Variants in DEFB129 observed in about 807,000 individuals in gnomAD.
The protein encoded by DEFB129 is beta-defensin 129.
In DEFB129, 2 loss-of-function variants were observed where a neutral mutation model predicts 2.5. The observed-to-expected ratio is 0.80, with a 90% CI of 0.33 to 2.53. The LOEUF (loss-of-function observed/expected upper bound fraction) is 2.53, where lower values mean the gene tolerates loss of function less well. DEFB129 is among the 30% of genes most tolerant of loss of function. The pLI is 0.11. For synonymous variants in DEFB129, 76 were observed against 74.4 expected, an observed-to-expected ratio of 1.02 and a Z score of -0.11; for missense variants, 177 against 216.9, an observed-to-expected ratio of 0.82 and a Z score of 1.16.
Position 229,639 on chromosome 20 carries a change from C to T in DEFB129, c.420C>T (p.Tyr140=). 1.9e-6 allele frequency: 3 copies of T among 1,614,180 alleles called. No homozygotes were observed. Among genetic ancestry groups the T allele is most frequent in the Non-Finnish European group, 2.5e-6 (3 of 1,180,024 alleles). ...ISTMTPGQIT[Y]TATSTKSNTK... is the part of the protein sequence containing the mutation. ...CTATGACCCCAGGACAGATCACATA[C>T]ACTGCTACTTCTACCAAGAGTAACA... The change falls in exon 2 of 2, where the codon TAC becomes TAT. Residue 140 remains tyrosine (Y), a synonymous_variant. Coordinates refer to ENST00000246105, the MANE Select transcript of DEFB129 (RefSeq NM_080831.4).
chr20:228,474 C>A (rs777246294), intron 1 of DEFB129, among the ~76,000 whole-genome samples: 3 of 152,058 alleles, frequency 2.0e-5, no homozygotes, highest in Non-Finnish European at 4.4e-5. Flanking sequence ...GAAATGTATG[C>A]AAATATGCTT....
Position 229,369 on chromosome 20 carries a change from G to A in DEFB129, c.150G>A (p.Met50Ile), listed in dbSNP as rs962238617. 1.2e-6 allele frequency: 2 copies of A among 1,613,962 alleles called. No individual in the cohort carries two copies. The highest frequency in any genetic ancestry group is 1.3e-5 in the African/African-American group (1 of 74,902). The change falls in exon 2 of 2, where the codon ATG becomes ATA. Residue 50 changes from methionine to isoleucine, a missense_variant. Coordinates refer to ENST00000246105, the MANE Select transcript of DEFB129 (RefSeq NM_080831.4). ...VDEKEIQKCK[M>I]KKCCVGPKVV... Reference sequence around the variant, plus strand: ...AAAAAGAGATACAGAAATGCAAGATGAAAAAATGTTGTGTTGGACCAAAAG... The same window carrying A: ...AAAAAGAGATACAGAAATGCAAGATAAAAAAATGTTGTGTTGGACCAAAAG...
At chr20:229,197 T>A in intron 1 of DEFB129, 81 bp from the exon 2 acceptor site, 1 of 1,495,614 alleles carries the variant, frequency 6.7e-7, no homozygotes, top group Non-Finnish European at 8.9e-7. Flanking sequence ...TCTCTCTTAG[T>A]CTATCCATCT....
Position 229,741 on chromosome 20 carries a change from A to T in DEFB129, c.522A>T (p.Ser174=). The stretch of plus-strand genomic sequence containing the variant: ...CACCAAACATACTGCCAACACCATC[A>T]CTGGAGCTAGAGGAAGCAGAAGAGC... ...PPPPNILPTP[S]LELEEAEEQ is the part of the protein sequence containing the mutation. Residue 174 remains serine (S), a synonymous_variant, in exon 2 of 2, where the codon TCA becomes TCT. Transcript: ENST00000246105. 2 of 1,612,206 alleles carry T rather than the reference A, an allele frequency of 1.2e-6. No individual in the cohort carries two copies. The highest frequency in any genetic ancestry group is 1.7e-6 in the Non-Finnish European group (2 of 1,179,966).
chr20:229,753 G>C lies in DEFB129; in HGVS notation c.534G>C (p.Glu178Asp), dbSNP rs768304929. 3.1e-6 allele frequency: 5 copies of C among 1,610,282 alleles called. No individual in the cohort carries two copies. In the African/African-American group the frequency reaches 5.3e-5, roughly 17 times the overall value. ...TGCCAACACCATCACTGGAGCTAGAGGAAGCAGAAGAGCAGTAATGTGGAT... is the reference window on the plus strand; with the variant it reads ...TGCCAACACCATCACTGGAGCTAGACGAAGCAGAAGAGCAGTAATGTGGAT... ...NILPTPSLEL[E>D]EAEEQ The change falls in exon 2 of 2, where the codon GAG becomes GAC. Residue 178 changes from glutamate to aspartate, a missense_variant. Physicochemically the swap from Glu to Asp is conservative, Grantham distance 45. Coordinates refer to ENST00000246105, the MANE Select transcript of DEFB129 (RefSeq NM_080831.4).
intron 1 of DEFB129, among the ~76,000 whole-genome samples, chr20:228,845 A>G (rs2011308388): frequency 1.3e-5 from 2 of 152,180 alleles, no homozygotes; most frequent in Admixed American, 1.3e-4. Context: ...TGGTGAAAAG[A>G]TAAGACTCCT....
In DEFB129 at chr20:229,265, T is replaced by TCTA; in HGVS notation, c.59-13_59-12insCTA. The TCTA allele has an allele frequency of 1.3e-6, 2 of 1,553,120 alleles. No homozygotes were observed. The highest frequency in any genetic ancestry group is 2.5e-5 in the South Asian group (2 of 79,190). On this transcript the variant is annotated splice_polypyrimidine_tract_variant and intron_variant, in intron 1 of 1. Transcript: ENST00000246105. ...TTAACCTTGGCTCAATGGCTTTCTCTTTTTTTATACAGAATTTATTGGCTT... is the reference window on the plus strand; with the variant it reads ...TTAACCTTGGCTCAATGGCTTTCTCTCTATTTTTTATACAGAATTTATTGGCTT...
Position 229,821 on chromosome 20 carries a change from A to G in DEFB129, c.*50A>G, listed in dbSNP as rs2011322206. On this transcript the variant is annotated 3_prime_UTR_variant, in exon 2 of 2. Transcript: ENST00000246105. ...AAGTTCCTCTCTATTTTTGCTATCT[A>G]TAAAATGACATAGAACTGTTTCCTC... The G allele has an allele frequency of 6.4e-7, 1 of 1,557,446 alleles. No homozygotes were observed. Among genetic ancestry groups the G allele is most frequent in the Non-Finnish European group, 8.6e-7 (1 of 1,159,838 alleles).
At chr20:227,494 A>G (rs2011294206) in intron 1 of DEFB129, 148 bp downstream of exon 1, 1 of 897,306 alleles carries the variant, frequency 1.1e-6, no homozygotes, top group African/African-American at 1.7e-5. Flanking sequence ...TCAGTCATGC[A>G]CTGATACATT....
chr20:227,383 G>C (rs1254197428), intron 1 of DEFB129, 37 bp downstream of exon 1: 15 of 1,610,728 alleles, frequency 9.3e-6, no homozygotes, highest in South Asian at 2.2e-5. Context: ...GGGTAGATGA[G>C]AGGAACCAAG....
Position 229,447 on chromosome 20 carries a change from T to C in DEFB129, c.228T>C (p.Asn76=). ...YLQYGTPNVL[N]EDVQEMLKPA... is the part of the protein sequence containing the mutation. ...AATATGGAACACCAAATGTACTTAA[T>C]GAAGACGTCCAAGAAATGCTAAAAC... The change falls in exon 2 of 2, where the codon AAT becomes AAC. Residue 76 remains asparagine (N), a synonymous_variant. Transcript: ENST00000246105. The C allele has an allele frequency of 6.2e-7, 1 of 1,614,168 alleles. No individual in the cohort carries two copies. Among genetic ancestry groups the C allele is most frequent in the Non-Finnish European group, 8.5e-7 (1 of 1,180,026 alleles).
chr20:227,715 T>G (rs1434013872), intron 1 of DEFB129, among the ~76,000 whole-genome samples: 1 of 150,038 alleles, frequency 6.7e-6, no homozygotes, highest in East Asian at 1.9e-4. Flanking sequence ...AAAAAAGTCC[T>G]GGGGTACTTG....
At chr20:228,537 G>C (rs2011306010) in intron 1 of DEFB129, among the ~76,000 whole-genome samples, 1 of 152,156 alleles carries the variant, frequency 6.6e-6, no homozygotes, top group Admixed American at 6.5e-5. Flanking sequence ...AAAATCATTG[G>C]GTTATTAAGA....
chr20:229,763 G>A lies in DEFB129; in HGVS notation c.544G>A (p.Glu182Lys), dbSNP rs1298551453. The change falls in exon 2 of 2, where the codon GAG becomes AAG. Residue 182 changes from glutamate to lysine, a missense_variant. By Grantham distance (56) the Glu-to-Lys change is moderately conservative. Transcript: ENST00000246105. Reference protein sequence around the residue: ...TPSLELEEAEEQ With the variant: ...TPSLELEEAEKQ The stretch of plus-strand genomic sequence containing the variant: ...ATCACTGGAGCTAGAGGAAGCAGAA[G>A]AGCAGTAATGTGGATCTTTCCCTTA... 17 of 1,607,152 alleles carry A rather than the reference G, an allele frequency of 1.1e-5. No homozygotes were observed. Among genetic ancestry groups the A allele is most frequent in the Admixed American group, 1.7e-5 (1 of 59,794 alleles).
rs1255302122 is a variant in DEFB129 at position 229,744 on chromosome 20, G to T, written c.525G>T (p.Leu175=). 3.7e-6 allele frequency: 6 copies of T among 1,611,426 alleles called. No homozygotes were observed. The African/African-American group carries it at 6.7e-5, about 18-fold the overall frequency. ...PPPNILPTPS[L]ELEEAEEQ is the part of the protein sequence containing the mutation. The stretch of plus-strand genomic sequence containing the variant: ...CAAACATACTGCCAACACCATCACT[G>T]GAGCTAGAGGAAGCAGAAGAGCAGT... The change falls in exon 2 of 2, where the codon CTG becomes CTT. Residue 175 remains leucine (L), a synonymous_variant. Transcript: ENST00000246105.
At chr20:227,493 C>T (rs1019436916) in intron 1 of DEFB129, 147 bp downstream of exon 1, 15 of 890,270 alleles carry the variant, frequency 1.7e-5, no homozygotes, top group Non-Finnish European at 2.5e-5. Flanking sequence ...ATCAGTCATG[C>T]ACTGATACAT....
At position 229,493 on chromosome 20, in the gene DEFB129, G is replaced by A. The variant is rs1261086469; in HGVS notation, c.274G>A (p.Val92Met). The change falls in exon 2 of 2, where the codon GTG becomes ATG. Residue 92 changes from valine (V) to methionine (M), a missense_variant. Val to Met is a conservative substitution (Grantham distance 21, BLOSUM62 1). Transcript: ENST00000246105. ...AAAACCTGCCAAGAATTCTAGTGCT[G>A]TGATACAAAGAAAACATATTTTATC... ...MLKPAKNSSA[V>M]IQRKHILSVL... 6.2e-7 allele frequency: 1 copy of A among 1,614,166 alleles called. No homozygotes were observed. The highest frequency in any genetic ancestry group is 1.3e-5 in the African/African-American group (1 of 75,054).
In DEFB129 at chr20:229,434, C is replaced by T; in HGVS notation, c.215C>T (p.Pro72Leu). 1 of 1,614,066 alleles carries T rather than the reference C, an allele frequency of 6.2e-7. No individual in the cohort carries two copies. The highest frequency in any genetic ancestry group is 1.1e-5 in the South Asian group (1 of 91,078). The change falls in exon 2 of 2, where the codon CCA becomes CTA. Residue 72 changes from proline to leucine, a missense_variant. Transcript: ENST00000246105. Reference sequence around the variant, plus strand: ...AAAAACTACCTGCAATATGGAACACCAAATGTACTTAATGAAGACGTCCAA... The same window carrying T: ...AAAAACTACCTGCAATATGGAACACTAAATGTACTTAATGAAGACGTCCAA... Reference protein sequence around the residue: ...LIKNYLQYGTPNVLNEDVQEM... With the variant: ...LIKNYLQYGTLNVLNEDVQEM...
Position 229,652 on chromosome 20 carries a change from A to G in DEFB129, c.433A>G (p.Thr145Ala), listed in dbSNP as rs998337002. The G allele has an allele frequency of 1.2e-5, 19 of 1,614,054 alleles. No homozygotes were observed. The highest frequency in any genetic ancestry group is 4.0e-5 in the African/African-American group (3 of 74,920). ...ACAGATCACATACACTGCTACTTCT[A>G]CCAAGAGTAACACCAAAGAAAGCAG... Reference protein sequence around the residue: ...PGQITYTATSTKSNTKESRDS... With the variant: ...PGQITYTATSAKSNTKESRDS... Residue 145 changes from threonine to alanine, a missense_variant, in exon 2 of 2, where the codon ACC becomes GCC. By Grantham distance (58) the Thr-to-Ala change is moderately conservative (BLOSUM62 0). Transcript: ENST00000246105.
Sources: allele counts gnomAD v4.1 joint callset (sites outside exome capture counted in the v4.1 genomes callset), GRCh38; gene constraint gnomAD v4.1.1; transcripts MANE v1.5; gene names NCBI Gene and HGNC (gene_info 2026-07-23, HGNC 2026-07-21).